PLEKHA7: variants seen among roughly 807,000 people sequenced by gnomAD.
PLEKHA7 encodes pleckstrin homology domain-containing family A member 7.
Under a neutral mutation model 170.0 loss-of-function variants are expected in PLEKHA7, and 104 were observed. The ratio of observed to expected loss-of-function variants is 0.61; its 90% CI spans 0.52 to 0.72. The LOEUF (loss-of-function observed/expected upper bound fraction) is 0.72. Ranked by LOEUF, PLEKHA7 falls within the 30% of genes least tolerant of loss-of-function variation. The pLI is 0.00. For synonymous variants in PLEKHA7, 648 were observed against 660.8 expected (o/e 0.98, Z 0.30); for missense variants, 1,615 against 1,671.7 (o/e 0.97, Z 0.59).
chr11:16,985,523 A>G (rs1003744121), intron 3 of PLEKHA7, among the ~76,000 whole-genome samples: 4 of 151,176 alleles, frequency 2.6e-5, no homozygotes, highest in African/African-American at 9.7e-5. Context: ...GCAAGGGGCA[A>G]GAGAGCTCTT....
chr11:16,952,894 C>A (rs941831917), intron 3 of PLEKHA7, among the ~76,000 whole-genome samples: 8 of 152,308 alleles, frequency 5.3e-5, no homozygotes, highest in African/African-American at 1.7e-4. Context: ...ATGTATCCAA[C>A]AAAGCTTTTT....
At chr11:16,932,214 C>T (rs936020910) in intron 3 of PLEKHA7, among the ~76,000 whole-genome samples, 2 of 151,426 alleles carry the variant, frequency 1.3e-5, no homozygotes, top group African/African-American at 2.4e-5. Context: ...GATTAAATAA[C>T]AGAATGGTAT....
intron 3 of PLEKHA7, among the ~76,000 whole-genome samples, chr11:16,978,557 G>A (rs1863213530): frequency 6.6e-6 from 1 of 152,196 alleles, no homozygotes; most frequent in Admixed American, 6.5e-5. Context: ...TGTGTATCTT[G>A]CTGTATTTAG....
At chr11:16,997,332 A>C (rs1864400680) in intron 3 of PLEKHA7, among the ~76,000 whole-genome samples, 1 of 152,180 alleles carries the variant, frequency 6.6e-6, no homozygotes, top group African/African-American at 2.4e-5. Context: ...GGAAAGCATT[A>C]GAGTGAGGTT....
intron 3 of PLEKHA7, among the ~76,000 whole-genome samples, chr11:16,943,800 G>A (rs1860845201): frequency 6.6e-6 from 1 of 152,164 alleles, no homozygotes; most frequent in African/African-American, 2.4e-5. Context: ...GGCAGACAGA[G>A]ACAGTGCCAG....
At chr11:16,960,972 C>G (rs1862024900) in intron 3 of PLEKHA7, among the ~76,000 whole-genome samples, 1 of 152,182 alleles carries the variant, frequency 6.6e-6, no homozygotes, top group African/African-American at 2.4e-5. Flanking sequence ...CAGCCCCTGC[C>G]TGTCTTTCCT....
At chr11:16,847,538 T>C (rs1433681991) in intron 8 of PLEKHA7, among the ~76,000 whole-genome samples, 4 of 152,026 alleles carry the variant, frequency 2.6e-5, no homozygotes, top group Admixed American at 2.0e-4. Context: ...GAATCACAAT[T>C]GGCTTAATCA....
chr11:16,923,238 G>A (rs974288895), intron 3 of PLEKHA7, among the ~76,000 whole-genome samples: 6 of 152,170 alleles, frequency 3.9e-5, no homozygotes, highest in East Asian at 3.9e-4. Context: ...GACGTTAGAC[G>A]GCTGGCTTGA....
intron 24 of PLEKHA7, among the ~76,000 whole-genome samples, chr11:16,785,924 C>A (rs550508212): frequency 6.6e-6 from 1 of 152,212 alleles, no homozygotes; most frequent in Non-Finnish European, 1.5e-5. Flanking sequence ...GCTTTGATCG[C>A]TAAACCTCCC....
chr11:16,784,555 C>T (rs942364076), intron 24 of PLEKHA7, among the ~76,000 whole-genome samples: 27 of 152,220 alleles, frequency 1.8e-4, no homozygotes, highest in Non-Finnish European at 2.5e-4. Context: ...TCACCAGCAT[C>T]TCCCGTGGAC....
At chr11:16,904,013 A>G (rs750059341) in intron 3 of PLEKHA7, among the ~76,000 whole-genome samples, 3 of 152,180 alleles carry the variant, frequency 2.0e-5, no homozygotes, top group Non-Finnish European at 4.4e-5. Context: ...GCAAATCACT[A>G]TCTTTCCCTC....
chr11:16,969,714 T>C (rs1394478266), intron 3 of PLEKHA7, among the ~76,000 whole-genome samples: 2 of 152,148 alleles, frequency 1.3e-5, no homozygotes, highest in African/African-American at 4.8e-5. Flanking sequence ...TTCTCTTCCT[T>C]GACAAAAGAG....
At chr11:16,796,959 T>A (rs914319667) in intron 17 of PLEKHA7, among the ~76,000 whole-genome samples, 2 of 152,214 alleles carry the variant, frequency 1.3e-5, no homozygotes. Flanking sequence ...TGAGCCACCA[T>A]GACCAGCCGA....
At chr11:16,805,732 G>A (rs1052927836) in intron 13 of PLEKHA7, among the ~76,000 whole-genome samples, 6 of 148,256 alleles carry the variant, frequency 4.0e-5, no homozygotes, top group Non-Finnish European at 7.4e-5. Context: ...AGAGGTTGCA[G>A]TGAGTTGAGA....
chr11:17,014,259 GC>G, intron 1 of PLEKHA7, 56 bp downstream of exon 1: 3 of 1,388,570 alleles, frequency 2.2e-6, no homozygotes, highest in South Asian at 3.4e-5. Flanking sequence ...TGCCCGCCCG[GC>G]CCCCGCCCCC....
intron 23 of PLEKHA7, chr11:16,787,183 C>T: frequency 1.0e-6 from 1 of 985,434 alleles, no homozygotes; most frequent in Non-Finnish European, 1.2e-6. Context: ...CCTCACAGGC[C>T]TTTGACCGCT....
intron 3 of PLEKHA7, among the ~76,000 whole-genome samples, chr11:16,951,843 C>T (rs1446398711): frequency 6.6e-6 from 1 of 152,182 alleles, no homozygotes; most frequent in African/African-American, 2.4e-5. Context: ...GAAGGTTTAT[C>T]CATAAATACT....
intron 9 of PLEKHA7, among the ~76,000 whole-genome samples, chr11:16,831,093 T>C (rs760452666): frequency 6.6e-6 from 1 of 152,252 alleles, no homozygotes; most frequent in African/African-American, 2.4e-5. Context: ...GGCAGTTTTC[T>C]AGCCCTGAAG....
chr11:16,868,156 G>C (rs1854541989), intron 4 of PLEKHA7, among the ~76,000 whole-genome samples: 1 of 152,152 alleles, frequency 6.6e-6, no homozygotes, highest in African/African-American at 2.4e-5. Context: ...AGCCAGGTTA[G>C]AGTCCCCTTT....
Sources: allele counts gnomAD v4.1 joint callset (sites outside exome capture counted in the v4.1 genomes callset), GRCh38; gene constraint gnomAD v4.1.1; transcripts MANE v1.5; gene names NCBI Gene and HGNC (gene_info 2026-07-23, HGNC 2026-07-21).